UGT1A4: variants seen among roughly 807,000 people sequenced by gnomAD.
UGT1A4 encodes UDP glucuronosyltransferase family 1 member A4.
In UGT1A4, 32 loss-of-function variants were observed where a neutral mutation model predicts 41.1. That is an observed-to-expected ratio of 0.78 (90% confidence interval 0.59 to 1.05). UGT1A4 has a LOEUF of 1.05. UGT1A4 is among the 50% of genes least tolerant of loss of function. The pLI, the probability that UGT1A4 is intolerant of heterozygous loss-of-function variation, is 0.00. For synonymous variants in UGT1A4, 283 were observed against 265.1 expected (o/e 1.07, Z -0.66); for missense variants, 748 against 677.4 (o/e 1.10, Z -1.16).
chr2:233,746,996 T>C (rs1200974449), intron 1 of UGT1A4, among the ~76,000 whole-genome samples: 1 of 151,576 alleles, frequency 6.6e-6, no homozygotes, highest in East Asian at 1.9e-4. Context: ...TCAGATGAGT[T>C]TTTCAAGTAG....
chr2:233,754,060 T>C (rs141181524), intron 1 of UGT1A4, among the ~76,000 whole-genome samples: 20 of 152,258 alleles, frequency 1.3e-4, no homozygotes, highest in African/African-American at 3.6e-4. Context: ...CCTGCTTTTA[T>C]AAAGCCTGGG....
intron 1 of UGT1A4, chr2:233,747,970 C>T: frequency 6.2e-7 from 1 of 1,613,476 alleles, no homozygotes; most frequent in Non-Finnish European, 8.5e-7. Context: ...AGCCATGCAT[C>T]TGTGTGGCTG....
chr2:233,727,644 C>G lies in UGT1A4; in HGVS notation c.867+7957C>G, dbSNP rs139554548. On this transcript the variant is annotated intron_variant, in intron 1 of 4. Coordinates refer to ENST00000373409, the MANE Select transcript of UGT1A4 (RefSeq NM_007120.3). ...AGAGGTTGCACCCACAGCTGAGAAT[C>G]CCTTTCTAGTGCTCTATGTCCTTAC... Among the ~76,000 whole-genome samples the G allele has an allele frequency of 3.3e-5, 5 of 152,272 alleles. No individual in the cohort carries two copies. In the East Asian group the frequency reaches 9.7e-4, roughly 29 times the overall value.
chr2:233,765,354 C>T (rs147489068), intron 1 of UGT1A4, among the ~76,000 whole-genome samples: 102 of 152,262 alleles, frequency 6.7e-4, no homozygotes, highest in African/African-American at 2.3e-3. Context: ...ATGGAACCAA[C>T]CCAGATGCCC....
At chr2:233,736,459 C>G (rs1461778368) in intron 1 of UGT1A4, among the ~76,000 whole-genome samples, 5 of 152,202 alleles carry the variant, frequency 3.3e-5, no homozygotes, top group Admixed American at 3.3e-4. Flanking sequence ...TTCGAACATG[C>G]ACTTTTAGCT....
intron 1 of UGT1A4, among the ~76,000 whole-genome samples, chr2:233,720,075 T>G (rs1197503417): frequency 1.3e-5 from 2 of 152,302 alleles, no homozygotes; most frequent in Middle Eastern, 3.4e-3. Context: ...ATTAGAATTG[T>G]GGACATGATA....
chr2:233,758,652 G>A (rs1363541572), intron 1 of UGT1A4, among the ~76,000 whole-genome samples: 2 of 152,076 alleles, frequency 1.3e-5, no homozygotes, highest in Non-Finnish European at 2.9e-5. Context: ...GAATGAGAGG[G>A]TACCCTAATT....
At chr2:233,748,671 T>A (rs1418795120) in intron 1 of UGT1A4, among the ~76,000 whole-genome samples, 1 of 151,594 alleles carries the variant, frequency 6.6e-6, no homozygotes, top group Non-Finnish European at 1.5e-5. Flanking sequence ...CAGAGAGGGA[T>A]CTGTGCTGAC....
intron 1 of UGT1A4, chr2:233,743,017 T>G (rs1054805): frequency 8.4e-6 from 2 of 239,502 alleles, no homozygotes; most frequent in African/African-American, 2.3e-5. Flanking sequence ...TTACAACGAT[T>G]GAAAGACAAA....
At chr2:233,758,385 T>C (rs1230615266) in intron 1 of UGT1A4, among the ~76,000 whole-genome samples, 2 of 152,262 alleles carry the variant, frequency 1.3e-5, no homozygotes, top group Admixed American at 6.5e-5. Flanking sequence ...TGGTGACTTA[T>C]GTGTTTATAG....
chr2:233,734,966 G>A (rs1165220522), intron 1 of UGT1A4, among the ~76,000 whole-genome samples: 1 of 152,234 alleles, frequency 6.6e-6, no homozygotes, highest in Non-Finnish European at 1.5e-5. Flanking sequence ...AGTGTGATGT[G>A]GTGCTGAGAA....
At chr2:233,748,610 A>G (rs1485251658) in intron 1 of UGT1A4, among the ~76,000 whole-genome samples, 1 of 151,818 alleles carries the variant, frequency 6.6e-6, no homozygotes, top group Non-Finnish European at 1.5e-5. Context: ...TAGAGCAACG[A>G]ACGTGGGATA....
rs1450020479 is a variant in UGT1A4, at chr2:233,719,077, A to G, written c.257A>G (p.Gln86Arg). ...ACAGCCTATGCTGTTCCATGGACCC[A>G]GAAGGAATTTGATCGCGTTACGCTG... ...TLTAYAVPWTQKEFDRVTLGY... is the reference protein window; with the variant it reads ...TLTAYAVPWTRKEFDRVTLGY... Residue 86 changes from glutamine to arginine, a missense_variant, in exon 1 of 5, where the codon CAG (glutamine) becomes CGG (arginine). By Grantham distance (43) the Gln-to-Arg change is conservative. Transcript: ENST00000373409. The G allele has an allele frequency of 3.3e-5, 54 of 1,614,166 alleles. No individual in the cohort carries two copies. The highest frequency in any genetic ancestry group is 4.4e-5 in the Non-Finnish European group (52 of 1,180,062).
intron 1 of UGT1A4, among the ~76,000 whole-genome samples, chr2:233,744,197 G>A (rs540976533): frequency 1.3e-5 from 2 of 151,982 alleles, no homozygotes; most frequent in East Asian, 1.9e-4. Flanking sequence ...TCTCCAAAAA[G>A]GATGGGAAAA....
At chr2:233,757,553 T>TATATATATATATATACATATAC (rs1164104376) in intron 1 of UGT1A4, among the ~76,000 whole-genome samples, 4 of 136,130 alleles carry the variant, frequency 2.9e-5, no homozygotes, top group Admixed American at 7.1e-5. Context: ...TATATATATA[T>TATATATATATATATACATATAC]ATATATATGT....
At chr2:233,754,914 A>G (rs755182850) in intron 1 of UGT1A4, 33 of 1,353,478 alleles carry the variant, frequency 2.4e-5, no homozygotes, top group Non-Finnish European at 3.2e-5. Flanking sequence ...AATATTCTCC[A>G]GCGGGTTTCC....
chr2:233,730,114 C>G (rs2125751951), intron 1 of UGT1A4: 1 of 1,562,004 alleles, frequency 6.4e-7, no homozygotes, highest in Admixed American at 1.9e-5. Context: ...TCTGCTTCTC[C>G]TTGTCATAAT....
At chr2:233,734,648 T>A (rs187362448) in intron 1 of UGT1A4, among the ~76,000 whole-genome samples, 1 of 152,330 alleles carries the variant, frequency 6.6e-6, no homozygotes, top group East Asian at 1.9e-4. Context: ...CCTGTGGGGA[T>A]TTAATGCTAT....
At chr2:233,735,575 C>T (rs1354708625) in intron 1 of UGT1A4, among the ~76,000 whole-genome samples, 1 of 152,032 alleles carries the variant, frequency 6.6e-6, no homozygotes, top group Non-Finnish European at 1.5e-5. Flanking sequence ...GGTTATTTTG[C>T]CCGTTAATTG....
Sources: allele counts gnomAD v4.1 joint callset (sites outside exome capture counted in the v4.1 genomes callset), GRCh38; gene constraint gnomAD v4.1.1; transcripts MANE v1.5; gene names NCBI Gene and HGNC (gene_info 2026-07-23, HGNC 2026-07-21).